Variants in RIC1 observed in about 807,000 individuals in gnomAD.
The protein encoded by RIC1 is RIC1 partner of RAB6A GEF complex.
RIC1 carries 88 observed loss-of-function variants against 169.0 expected under a neutral mutation model. That is an observed-to-expected ratio of 0.52 (90% CI 0.44 to 0.62). The LOEUF is 0.62. Among genes scored for constraint, RIC1 ranks in the 20% least tolerant of loss-of-function variants. RIC1 has a pLI of 0.00. For synonymous variants in RIC1, 790 were observed against 601.5 expected (o/e 1.31, Z -4.59); for missense variants, 1,877 against 1,725.5 (o/e 1.09, Z -1.56).
chr9:5,710,454 T>A (rs1586992959), intron 3 of RIC1, among the ~76,000 whole-genome samples: 2 of 152,152 alleles, frequency 1.3e-5, no homozygotes, highest in African/African-American at 4.8e-5. Flanking sequence ...ATGGAACCAC[T>A]GAAGAAAAAC....
At position 5,775,226 on chromosome 9, in the gene RIC1, T is replaced by G. The variant is rs1827516364; in HGVS notation, c.*980T>G. On this transcript the variant is annotated 3_prime_UTR_variant, in exon 26 of 26. Coordinates refer to ENST00000414202, the MANE Select transcript of RIC1 (RefSeq NM_020829.4). ...ATTGCTTTTGTAAATTGAATAAAGA[T>G]GGACTTCTATGTAAATAGACTGCTG... 6.6e-6 allele frequency: 1 copy of G among 152,234 alleles called. No homozygotes were observed. Among genetic ancestry groups the G allele is most frequent in the Non-Finnish European group, 1.5e-5 (1 of 68,034 alleles). The allele number at this position is 152,234 out of a possible 1,614,324, so 9.4% of individuals were successfully genotyped here.
At chr9:5,706,926 C>G (rs1038563919) in intron 3 of RIC1, among the ~76,000 whole-genome samples, 3 of 152,050 alleles carry the variant, frequency 2.0e-5, no homozygotes, top group African/African-American at 7.2e-5. Context: ...CATGTATAGC[C>G]ACTCTAATTT....
rs775687095 is a variant in RIC1, at chr9:5,763,514, C to T, written c.2487C>T (p.His829=). Residue 829 remains histidine, a synonymous_variant, in exon 19 of 26, where the codon CAC becomes CAT. Transcript: ENST00000414202. The surrounding 1 kb of genome is among the most constrained non-coding windows in gnomAD (Gnocchi z 5.2). ...VVERTSQIYL[H]HILRQLLVRN... Reference sequence around the variant, plus strand: ...AGAGAACCTCTCAGATCTACCTCCACCACATTCTACGTCAACTTCTGGTCA... The same window carrying T: ...AGAGAACCTCTCAGATCTACCTCCATCACATTCTACGTCAACTTCTGGTCA... The T allele has an allele frequency of 1.2e-6, 2 of 1,614,194 alleles. No homozygotes were observed. The highest frequency in any genetic ancestry group is 1.1e-5 in the South Asian group (1 of 91,080).
intron 1 of RIC1, among the ~76,000 whole-genome samples, chr9:5,631,402 A>T (rs1373627402): frequency 6.6e-6 from 1 of 152,156 alleles, no homozygotes; most frequent in Non-Finnish European, 1.5e-5. Flanking sequence ...ATAGTACTGT[A>T]GTATGAGTGG....
intron 1 of RIC1, among the ~76,000 whole-genome samples, chr9:5,632,266 G>T (rs963724819): frequency 1.3e-5 from 2 of 152,110 alleles, no homozygotes; most frequent in Non-Finnish European, 2.9e-5. Context: ...AGTCTAAGCT[G>T]GTTGTTTCAA....
At chr9:5,683,659 A>T (rs552238969) in intron 2 of RIC1, among the ~76,000 whole-genome samples, 1 of 152,026 alleles carries the variant, frequency 6.6e-6, no homozygotes, top group South Asian at 2.1e-4. Flanking sequence ...GAGAGCCACT[A>T]CCCTCTTCAA....
intron 2 of RIC1, among the ~76,000 whole-genome samples, chr9:5,677,232 G>A (rs752996267): frequency 1.3e-5 from 2 of 152,176 alleles, no homozygotes; most frequent in African/African-American, 4.8e-5. Context: ...TAGTGGTGTA[G>A]TGATATCTCA....
intron 7 of RIC1, 135 bp from the exon 8 acceptor site, chr9:5,738,315 G>C: frequency 3.2e-6 from 2 of 624,798 alleles, no homozygotes; most frequent in Non-Finnish European, 5.6e-6. Flanking sequence ...AAATTTATGA[G>C]ATGACTGCAA....
chr9:5,767,959 A>G (rs1341307723), intron 21 of RIC1, among the ~76,000 whole-genome samples: 1 of 152,224 alleles, frequency 6.6e-6, no homozygotes, highest in Non-Finnish European at 1.5e-5. Flanking sequence ...CATAGGTCCT[A>G]TTTTAAACAA....
chr9:5,631,408 A>T lies in RIC1; in HGVS notation c.144+1955A>T, dbSNP rs191482178. 2.9e-4 allele frequency among the ~76,000 whole-genome samples: 44 copies of T among 152,290 alleles called. No homozygotes were observed. The South Asian group carries it at 2.9e-3, about 10-fold the overall frequency. On this transcript the variant is annotated intron_variant, in intron 1 of 25. Coordinates refer to ENST00000414202, the MANE Select transcript of RIC1 (RefSeq NM_020829.4). The stretch of plus-strand genomic sequence containing the variant: ...GGAGGCTGTATAGTACTGTAGTATG[A>T]GTGGTTAACCTTGGTCTCTGGGCAC...
At chr9:5,658,825 G>GTT (rs544099717) in intron 2 of RIC1, among the ~76,000 whole-genome samples, 43 of 138,274 alleles carry the variant, frequency 3.1e-4, no homozygotes, top group African/African-American at 8.9e-4. Flanking sequence ...AAGTTTTTTT[G>GTT]TTTTTTTTTT....
Position 5,757,515 on chromosome 9 carries a change from T to G in RIC1, c.1992+64T>G, listed in dbSNP as rs540362027. ...TCTGTTTTTAGTATTTGAGTCCATA[T>G]TAGGAAGTATTTGTTTGGCAAATAA... is the stretch of plus-strand genomic sequence containing the variant. On this transcript the variant is annotated intron_variant, in intron 17 of 25. Coordinates refer to ENST00000414202, the MANE Select transcript of RIC1 (RefSeq NM_020829.4). 7.1e-6 allele frequency: 11 copies of G among 1,544,618 alleles called. No homozygotes were observed. The African/African-American group carries it at 9.5e-5, about 13-fold the overall frequency.
chr9:5,711,013 G>T (rs887800500), intron 3 of RIC1, among the ~76,000 whole-genome samples: 24 of 152,136 alleles, frequency 1.6e-4, no homozygotes, highest in African/African-American at 4.3e-4. Flanking sequence ...AACAAAACAT[G>T]TAAATTTCCT....
chr9:5,639,095 C>A (rs1216646971), intron 1 of RIC1, among the ~76,000 whole-genome samples: 1 of 152,212 alleles, frequency 6.6e-6, no homozygotes, highest in Admixed American at 6.5e-5. Context: ...TTTGTAGAGA[C>A]AGGATTTCAC....
intron 1 of RIC1, among the ~76,000 whole-genome samples, chr9:5,653,895 C>T (rs1287111785): frequency 6.6e-6 from 1 of 152,176 alleles, no homozygotes; most frequent in Non-Finnish European, 1.5e-5. Context: ...CACACCCAGC[C>T]TGTCTCCATT....
intron 1 of RIC1, among the ~76,000 whole-genome samples, chr9:5,651,986 G>A (rs1174585075): frequency 1.3e-5 from 2 of 152,180 alleles, no homozygotes; most frequent in Non-Finnish European, 2.9e-5. Context: ...TTTCTCCAAT[G>A]TGTGCTCTTG....
At chr9:5,728,332 C>T (rs1362019869) in intron 6 of RIC1, among the ~76,000 whole-genome samples, 2 of 152,232 alleles carry the variant, frequency 1.3e-5, no homozygotes, top group Non-Finnish European at 2.9e-5. Flanking sequence ...GGGCATGGGA[C>T]CCTCCAAGCC....
At chr9:5,731,398 C>A (rs147947847) in intron 6 of RIC1, among the ~76,000 whole-genome samples, 6 of 151,998 alleles carry the variant, frequency 3.9e-5, no homozygotes, top group Non-Finnish European at 5.9e-5. Flanking sequence ...GCAAAGATTC[C>A]GTGTTTAGAT....
chr9:5,745,748 GGAGT>G (rs1825338128), intron 10 of RIC1, among the ~76,000 whole-genome samples, 179 bp from the exon 11 acceptor site: 1 of 152,148 alleles, frequency 6.6e-6, no homozygotes, highest in African/African-American at 2.4e-5. Flanking sequence ...GATTTCCTCT[GGAGT>G]TAGTTAAGAG....
Sources: gnomAD v4.1 joint callset for allele counts (sites outside exome capture counted in the v4.1 genomes callset) on GRCh38, gnomAD v4.1.1 for gene constraint, Gnocchi (gnomAD v3.1) non-coding constraint, MANE v1.5 for transcripts, NCBI Gene and HGNC (gene_info 2026-07-23, HGNC 2026-07-21) for gene names.